The following METTL15 variants were observed in gnomAD, a reference collection of about 807,000 sequenced individuals.
The protein encoded by METTL15 is 12S rRNA N(4)-cytidine methyltransferase METTL15.
Under a neutral mutation model 38.3 loss-of-function variants are expected in METTL15, and 34 were observed. The ratio of observed to expected loss-of-function variants is 0.89; its 90% confidence interval spans 0.68 to 1.18. The LOEUF is 1.18. METTL15 is among the 50% of genes most tolerant of loss of function. The pLI is 0.00. For missense variants in METTL15, 438 were observed against 498.4 expected, an observed-to-expected ratio of 0.88 and a Z score of 1.15; for synonymous variants, 162 against 170.9, an observed-to-expected ratio of 0.95 and a Z score of 0.41.
chr11:28,158,646 A>G (rs1590832953), intron 3 of METTL15, among the ~76,000 whole-genome samples: 1 of 152,162 alleles, frequency 6.6e-6, no homozygotes, highest in African/African-American at 2.4e-5. Flanking sequence ...TGCCAAGACT[A>G]CCATCCATGG....
intron 3 of METTL15, among the ~76,000 whole-genome samples, chr11:28,345,609 T>C (rs2133357465): frequency 6.6e-6 from 1 of 152,370 alleles, no homozygotes; most frequent in African/African-American, 2.4e-5. Context: ...ATGGAATCTG[T>C]GTTCTCTGAA....
At chr11:28,510,679 G>T (rs761935130) in intron 6 of METTL15, among the ~76,000 whole-genome samples, 10 of 152,120 alleles carry the variant, frequency 6.6e-5, no homozygotes, top group Non-Finnish European at 1.5e-4. Context: ...TTGATGACGG[G>T]CCCAAAATCA....
intron 6 of METTL15, among the ~76,000 whole-genome samples, chr11:28,498,687 T>C (rs2133487965): frequency 6.6e-6 from 1 of 152,314 alleles, no homozygotes; most frequent in Non-Finnish European, 1.5e-5. Flanking sequence ...CACTGTACTT[T>C]GATTAAAGGC....
At chr11:28,481,932 T>C (rs750566786) in intron 6 of METTL15, among the ~76,000 whole-genome samples, 12 of 152,218 alleles carry the variant, frequency 7.9e-5, no homozygotes, top group Middle Eastern at 3.2e-3. Flanking sequence ...AAACCCAGCA[T>C]TAAATGTTTA....
intron 6 of METTL15, among the ~76,000 whole-genome samples, chr11:28,509,132 GCAT>G (rs1356197596): frequency 6.6e-6 from 1 of 152,176 alleles, no homozygotes; most frequent in Admixed American, 6.5e-5. Context: ...GATGTTGAAA[GCAT>G]CATAGAGTTA....
At chr11:28,380,761 T>A (rs1850374239) in intron 5 of METTL15, among the ~76,000 whole-genome samples, 1 of 152,178 alleles carries the variant, frequency 6.6e-6, no homozygotes, top group Admixed American at 6.5e-5. Flanking sequence ...AATATACAAA[T>A]GTTCGTCTAG....
chr11:28,178,534 A>G (rs1315621812), intron 3 of METTL15, among the ~76,000 whole-genome samples: 4 of 151,640 alleles, frequency 2.6e-5, no homozygotes, highest in Non-Finnish European at 4.4e-5. Context: ...TTGACATTCT[A>G]TTAGCAGTAT....
chr11:28,366,188 TTTGTAAAAAAAA>T (rs1275321130), intron 5 of METTL15, among the ~76,000 whole-genome samples: 1 of 151,988 alleles, frequency 6.6e-6, no homozygotes, highest in Non-Finnish European at 1.5e-5. Context: ...CAGGGGTCCT[TTTGTAAAAAAAA>T]AAAAATTATT....
chr11:28,444,282 T>C (rs1355165211), intron 6 of METTL15, among the ~76,000 whole-genome samples: 3 of 152,166 alleles, frequency 2.0e-5, no homozygotes, highest in Non-Finnish European at 4.4e-5. Flanking sequence ...AAGTTGCTTT[T>C]CAAAGCAACA....
chr11:28,465,966 A>G (rs1246411679), intron 6 of METTL15, among the ~76,000 whole-genome samples: 3 of 152,224 alleles, frequency 2.0e-5, no homozygotes, highest in Non-Finnish European at 2.9e-5. Flanking sequence ...TTACAGCTAT[A>G]TGGTAGGTAT....
At chr11:28,429,232 T>C (rs1385184830) in intron 6 of METTL15, among the ~76,000 whole-genome samples, 1 of 152,214 alleles carries the variant, frequency 6.6e-6, no homozygotes, top group Admixed American at 6.5e-5. Context: ...GAAACTGCAA[T>C]GTCTTGGGGG....
At chr11:28,268,987 G>A (rs1158271332) in intron 4 of METTL15, among the ~76,000 whole-genome samples, 1 of 152,034 alleles carries the variant, frequency 6.6e-6, no homozygotes, top group African/African-American at 2.4e-5. Flanking sequence ...GTACTATTTT[G>A]GTATAATCTA....
chr11:28,202,305 A>C (rs1443994648), intron 3 of METTL15, among the ~76,000 whole-genome samples: 1 of 152,074 alleles, frequency 6.6e-6, no homozygotes, highest in African/African-American at 2.4e-5. Flanking sequence ...AGATAGGATG[A>C]ACTCTGAGTT....
intron 6 of METTL15, among the ~76,000 whole-genome samples, chr11:28,322,382 T>C (rs1270936561): frequency 6.6e-6 from 1 of 152,112 alleles, no homozygotes; most frequent in Non-Finnish European, 1.5e-5. Flanking sequence ...AATTTCTAGC[T>C]GGAATCAACT....
chr11:28,406,703 C>T (rs2133408770), intron 5 of METTL15, among the ~76,000 whole-genome samples: 1 of 152,162 alleles, frequency 6.6e-6, no homozygotes, highest in African/African-American at 2.4e-5. Context: ...TTGCCCTGGC[C>T]AGAATTTCTA....
intron 6 of METTL15, among the ~76,000 whole-genome samples, chr11:28,321,162 G>C (rs540488836): frequency 6.6e-6 from 1 of 152,210 alleles, no homozygotes; most frequent in East Asian, 1.9e-4. Context: ...ATAAGTAACT[G>C]TGTTATGCCA....
chr11:28,122,141 G>T, intron 3 of METTL15: 1 of 1,221,614 alleles, frequency 8.2e-7, no homozygotes, highest in Non-Finnish European at 1.1e-6. Context: ...TCCTCTTACA[G>T]AGTCTTGGTG....
At chr11:28,140,383 T>G (rs537789449) in intron 3 of METTL15, among the ~76,000 whole-genome samples, 11 of 152,282 alleles carry the variant, frequency 7.2e-5, no homozygotes, top group African/African-American at 1.2e-4. Context: ...TAGGGGTTTT[T>G]GGGGGTACTC....
intron 5 of METTL15, among the ~76,000 whole-genome samples, chr11:28,401,439 G>A (rs1850629760): frequency 6.6e-6 from 1 of 151,882 alleles, no homozygotes; most frequent in Admixed American, 6.6e-5. Context: ...TCTCTCATAT[G>A]TGTGTGATTT....
Sources: allele counts gnomAD v4.1 joint callset (sites outside exome capture counted in the v4.1 genomes callset), GRCh38; gene constraint gnomAD v4.1.1; transcripts MANE v1.5; gene names NCBI Gene and HGNC (gene_info 2026-07-23, HGNC 2026-07-21).